The following TNR variants were observed in gnomAD, a reference collection of about 807,000 sequenced individuals.
TNR encodes the protein tenascin R, also known as tenascin-R.
A neutral mutation model predicts 150.4 loss-of-function variants in TNR; 45 were observed. The observed-to-expected ratio is 0.30, with a 90% CI of 0.24 to 0.38. The LOEUF (loss-of-function observed/expected upper bound fraction) is 0.38. Ranked by LOEUF, TNR falls within the 10% of genes least tolerant of loss-of-function variation. The pLI is 1.00. For missense variants in TNR, 1,544 were observed against 1,759.1 expected (o/e 0.88, Z 2.19); for synonymous variants, 687 against 678.4 (o/e 1.01, Z -0.20).
At chr1:175,362,069 G>C (rs1308641335) in intron 14 of TNR, among the ~76,000 whole-genome samples, 2 of 152,332 alleles carry the variant, frequency 1.3e-5, no homozygotes, top group African/African-American at 4.8e-5. Context: ...ATCTGGATCT[G>C]ACTAGGGGGC....
intron 1 of TNR, among the ~76,000 whole-genome samples, chr1:175,579,209 T>TTCCTTCCTTCCTTCC (rs1558017857): frequency 1.8e-5 from 1 of 56,788 alleles, no homozygotes; most frequent in Non-Finnish European, 4.0e-5. Context: ...TCCTTCCTTC[T>TTCCTTCCTTCCTTCC]TTCCTTCCTT....
At chr1:175,512,953 T>C (rs1346724954) in intron 2 of TNR, among the ~76,000 whole-genome samples, 1 of 152,202 alleles carries the variant, frequency 6.6e-6, no homozygotes, top group East Asian at 1.9e-4. Flanking sequence ...AATGACTGAA[T>C]GGACCAAGGC....
intron 1 of TNR, among the ~76,000 whole-genome samples, chr1:175,537,102 C>T (rs112918871): frequency 2.2e-3 from 341 of 152,268 alleles, no homozygotes; most frequent in African/African-American, 7.6e-3. Context: ...CTTTGGTGCA[C>T]GATCGTTAAG....
intron 2 of TNR, among the ~76,000 whole-genome samples, chr1:175,495,224 GCTAATTACT>G (rs1336527212): frequency 1.3e-5 from 2 of 152,164 alleles, no homozygotes; most frequent in Admixed American, 1.3e-4. Flanking sequence ...CATGCACAGG[GCTAATTACT>G]CAGTGCAAAG....
At chr1:175,512,061 C>T (rs190741006) in intron 2 of TNR, among the ~76,000 whole-genome samples, 2 of 152,028 alleles carry the variant, frequency 1.3e-5, no homozygotes, top group Non-Finnish European at 2.9e-5. Context: ...TCTAGTAGGT[C>T]GAAATATTCA....
intron 2 of TNR, among the ~76,000 whole-genome samples, chr1:175,494,187 T>C (rs549532965): frequency 1.3e-5 from 2 of 151,564 alleles, no homozygotes; most frequent in South Asian, 4.2e-4. Flanking sequence ...ACAGCTGGGC[T>C]CTCTGGGGAT....
At chr1:175,497,812 C>G (rs1389870733) in intron 2 of TNR, among the ~76,000 whole-genome samples, 1 of 152,188 alleles carries the variant, frequency 6.6e-6, no homozygotes, top group East Asian at 1.9e-4. Context: ...GTAATCCTAG[C>G]ACTTTGGGAG....
intron 1 of TNR, among the ~76,000 whole-genome samples, chr1:175,699,470 C>T (rs1377548895): frequency 6.6e-6 from 1 of 152,014 alleles, no homozygotes; most frequent in Non-Finnish European, 1.5e-5. Context: ...TTGGCTTTAA[C>T]TGAGGTTGGA....
chr1:175,374,983 A>T (rs1302601548), intron 9 of TNR, among the ~76,000 whole-genome samples: 1 of 152,226 alleles, frequency 6.6e-6, no homozygotes, highest in African/African-American at 2.4e-5. Context: ...ACACAACCAC[A>T]TGCCTTTTTG....
intron 2 of TNR, among the ~76,000 whole-genome samples, chr1:175,524,603 T>G (rs1659778779): frequency 6.6e-6 from 1 of 152,090 alleles, no homozygotes; most frequent in Non-Finnish European, 1.5e-5. Flanking sequence ...GAGGAACCCT[T>G]TCTCTCCAGA....
chr1:175,396,897 A>C, intron 4 of TNR, 90 bp from the exon 5 acceptor site: 2 of 1,499,008 alleles, frequency 1.3e-6, no homozygotes, highest in Non-Finnish European at 1.8e-6. Context: ...CTCACCCCCC[A>C]TGCCATGTCT....
chr1:175,501,886 C>A (rs769422593), intron 2 of TNR, among the ~76,000 whole-genome samples: 1 of 152,146 alleles, frequency 6.6e-6, no homozygotes, highest in Non-Finnish European at 1.5e-5. Context: ...CTGAGCACAG[C>A]CCCTGTCTTC....
At chr1:175,738,689 T>C (rs1667841238) in intron 1 of TNR, among the ~76,000 whole-genome samples, 1 of 152,220 alleles carries the variant, frequency 6.6e-6, no homozygotes, top group Non-Finnish European at 1.5e-5. Context: ...TTGAATTCCC[T>C]TTGCCAATTG....
intron 18 of TNR, among the ~76,000 whole-genome samples, chr1:175,348,648 C>A (rs571729729): frequency 1.3e-5 from 2 of 152,184 alleles, no homozygotes; most frequent in Admixed American, 6.5e-5. Context: ...ACTTAATATA[C>A]AATGAGGCAC....
intron 2 of TNR, among the ~76,000 whole-genome samples, chr1:175,451,219 T>C (rs1179305030): frequency 9.4e-6 from 1 of 106,276 alleles, no homozygotes; most frequent in African/African-American, 3.3e-5. Flanking sequence ...TTTTTTTTAA[T>C]GTTTTTATTT....
At chr1:175,499,970 C>T (rs142477612) in intron 2 of TNR, among the ~76,000 whole-genome samples, 353 of 152,330 alleles carry the variant, frequency 2.3e-3, no homozygotes, top group Non-Finnish European at 3.9e-3. Context: ...AATACAATGC[C>T]TATGGTTGTG....
chr1:175,422,770 A>C (rs938884696), intron 2 of TNR, among the ~76,000 whole-genome samples: 1 of 152,182 alleles, frequency 6.6e-6, no homozygotes, highest in African/African-American at 2.4e-5. Flanking sequence ...TCCCTGCCAC[A>C]TGTCCATCTT....
At chr1:175,488,884 G>C (rs1205856104) in intron 2 of TNR, among the ~76,000 whole-genome samples, 1 of 152,206 alleles carries the variant, frequency 6.6e-6, no homozygotes, top group Non-Finnish European at 1.5e-5. Flanking sequence ...TGCACTTTGA[G>C]AAAAGGTCAG....
At chr1:175,362,593 C>T (rs1651649149) in intron 14 of TNR, 70 bp downstream of exon 14, 2 of 1,570,308 alleles carry the variant, frequency 1.3e-6, no homozygotes, top group African/African-American at 1.3e-5. Flanking sequence ...AACCTTTCTA[C>T]AAGCCCGAAC....
Sources: gnomAD v4.1 joint callset for allele counts (sites outside exome capture counted in the v4.1 genomes callset) on GRCh38, gnomAD v4.1.1 for gene constraint, MANE v1.5 for transcripts, NCBI Gene and HGNC (gene_info 2026-07-23, HGNC 2026-07-21) for gene names.